Variants in MACF1 observed in about 807,000 individuals in gnomAD.
MACF1 encodes microtubule-actin cross-linking factor 1.
A neutral mutation model predicts 854.8 loss-of-function variants in MACF1; 193 were observed. The ratio of observed to expected loss-of-function variants is 0.23; its 90% confidence interval spans 0.20 to 0.25. The LOEUF (loss-of-function observed/expected upper bound fraction) is 0.25. Ranked by LOEUF, MACF1 falls within the 10% of genes least tolerant of loss-of-function variation. MACF1 has a pLI of 1.00. For missense variants in MACF1, 7,722 were observed against 8,929.1 expected (o/e 0.86, Z 5.45); for synonymous variants, 3,185 against 3,226.7 (o/e 0.99, Z 0.44).
At chr1:39,483,652 G>A (rs1192199088) in intron 99 of MACF1, among the ~76,000 whole-genome samples, 5 of 152,192 alleles carry the variant, frequency 3.3e-5, no homozygotes, top group African/African-American at 1.2e-4. Flanking sequence ...CAAAGACACA[G>A]GTGTTAATTT....
intron 15 of MACF1, 61 bp downstream of exon 15, chr1:39,287,623 C>T: frequency 1.3e-6 from 2 of 1,569,640 alleles, no homozygotes; most frequent in Non-Finnish European, 8.7e-7. Flanking sequence ...GGAAGCTTAT[C>T]TAAGAGGACC....
In MACF1 at chr1:39,206,977, G is replaced by A. The variant is rs78302548; in HGVS notation, c.109+1846G>A. The A allele has an allele frequency of 5.1e-4, 76 of 149,626 alleles. 1 individual carries two copies. The highest frequency in any genetic ancestry group is 1.8e-3 in the African/African-American group (72 of 40,486). The allele number at this position is 149,626 out of a possible 1,614,324, so 9.3% of individuals were successfully genotyped here. ...CACAAAGATCGCTTCTTCTGATGTAGTCTTTTTTTTTTTTTTAATTGGAGT... is the reference window on the plus strand; with the variant it reads ...CACAAAGATCGCTTCTTCTGATGTAATCTTTTTTTTTTTTTTAATTGGAGT... On this transcript the variant is annotated intron_variant, in intron 1 of 100. Coordinates refer to ENST00000564288, the MANE Select transcript of MACF1 (RefSeq NM_001394062.1).
intron 74 of MACF1, 83 bp from the exon 75 acceptor site, chr1:39,441,869 C>T: frequency 9.9e-7 from 1 of 1,008,030 alleles, no homozygotes. Flanking sequence ...TGATTTATGT[C>T]TTCTTATGTT....
At chr1:39,477,390 A>C (rs1644929709) in intron 97 of MACF1, among the ~76,000 whole-genome samples, 1 of 151,606 alleles carries the variant, frequency 6.6e-6, no homozygotes, top group Non-Finnish European at 1.5e-5. Flanking sequence ...ATGCCTAGCT[A>C]ATTTTTTAAT....
At chr1:39,163,166 C>A (rs995750481) in intron 2 of MACF1, among the ~76,000 whole-genome samples, 1 of 151,916 alleles carries the variant, frequency 6.6e-6, no homozygotes, top group African/African-American at 2.4e-5. Flanking sequence ...TCCTGGCCAA[C>A]ATGGTGAAAC....
chr1:39,398,863 A>G (rs1337549125), intron 58 of MACF1, among the ~76,000 whole-genome samples: 2 of 152,130 alleles, frequency 1.3e-5, no homozygotes, highest in Non-Finnish European at 2.9e-5. Context: ...TGCTTCCTGT[A>G]GGGTGTGTTA....
chr1:39,388,515 C>A lies in MACF1; in HGVS notation c.15673C>A (p.Leu5225Met). 1 of 1,614,168 alleles carries A rather than the reference C, an allele frequency of 6.2e-7. No individual in the cohort carries two copies. Among genetic ancestry groups the A allele is most frequent in the Non-Finnish European group, 8.5e-7 (1 of 1,180,040 alleles). The change falls in exon 58 of 101, where the codon CTG becomes ATG. Residue 5225 changes from leucine (L) to methionine (M), a missense_variant. Leu to Met is a conservative substitution (Grantham distance 15). Transcript: ENST00000564288. ...RGKARQEQLE[L>M]TLGRVEDFYR... is the part of the protein sequence containing the mutation. ...GAAAGCTCGTCAGGAACAGCTGGAA[C>A]TGACACTAGGCCGTGTAGAGGACTT...
chr1:39,394,791 A>G (rs1011238113), intron 58 of MACF1, among the ~76,000 whole-genome samples: 1 of 152,116 alleles, frequency 6.6e-6, no homozygotes, highest in Non-Finnish European at 1.5e-5. Flanking sequence ...AGAGCAAATG[A>G]GGTTAGCGTT....
In MACF1 at chr1:39,434,459, C is replaced by G; in HGVS notation, c.17611C>G (p.Leu5871Val). The part of the protein sequence containing the change: ...LIQQYEAISL[L>V]NSERYARLER... ...ACAGCAATATGAAGCCATTAGCCTA[C>G]TCAATTCAGAGCGTTATGCCCGCCT... Residue 5871 changes from leucine to valine, a missense_variant, in exon 69 of 101, where the codon CTC becomes GTC. By Grantham distance (32) the Leu-to-Val change is conservative. This residue lies in a region of MACF1 where 2,807 missense variants were observed against 3,235.8 expected (regional missense o/e 0.87). Transcript: ENST00000564288. 1 of 1,579,620 alleles carries G rather than the reference C, an allele frequency of 6.3e-7. No homozygotes were observed. Among genetic ancestry groups the G allele is most frequent in the Non-Finnish European group, 8.6e-7 (1 of 1,160,156 alleles).
intron 2 of MACF1, among the ~76,000 whole-genome samples, chr1:39,094,869 C>A (rs1641898866): frequency 6.6e-6 from 1 of 152,104 alleles, no homozygotes; most frequent in Non-Finnish European, 1.5e-5. Context: ...CTACCCTGGG[C>A]TACAGAGTGA....
chr1:39,125,384 G>A lies in MACF1; in HGVS notation c.220+40946G>A, dbSNP rs118035554. On this transcript the variant is annotated intron_variant, in intron 2 of 93. Coordinates refer to the MACF1 transcript ENST00000361689. The stretch of plus-strand genomic sequence containing the variant: ...CTAAACATTGATTTCCTCGTTAGTA[G>A]TGGGGAGAATAGTTCTTACCTTGCA... Among the ~76,000 whole-genome samples, 20 of 152,334 alleles carry A rather than the reference G, an allele frequency of 1.3e-4. No individual in the cohort carries two copies. The East Asian group carries it at 3.9e-3, about 29-fold the overall frequency.
At chr1:39,179,211 T>A (rs2148231370) in intron 2 of MACF1, among the ~76,000 whole-genome samples, 3 of 152,360 alleles carry the variant, frequency 2.0e-5, no homozygotes, top group Middle Eastern at 6.8e-3. Flanking sequence ...ATCTTTGTCT[T>A]TGCTCATATT....
At chr1:39,477,075 A>ATATACACTTAGT (rs1557675014) in intron 97 of MACF1, among the ~76,000 whole-genome samples, 1 of 51,308 alleles carries the variant, frequency 1.9e-5, no homozygotes, top group Non-Finnish European at 3.3e-5. Flanking sequence ...ATATATATAT[A>ATATACACTTAGT]TATATATATA....
At position 39,190,461 on chromosome 1, in the gene MACF1, G is replaced by A. The variant is rs1244852706; in HGVS notation, c.221-40721G>A. The stretch of plus-strand genomic sequence containing the variant: ...GTCACCCAGGTTGAAGTGTAGTGGC[G>A]TGAGTAGCTGGGACTACAGATGTGC... On this transcript the variant is annotated intron_variant, in intron 2 of 93. Coordinates refer to the MACF1 transcript ENST00000361689. Among the ~76,000 whole-genome samples, 30 of 141,322 alleles carry A rather than the reference G, an allele frequency of 2.1e-4. No homozygotes were observed. The Middle Eastern group carries it at 0.015, about 69-fold the overall frequency. The allele number at this position is 141,322 out of a possible 152,430, so 92.7% of individuals were successfully genotyped here.
chr1:39,386,094 T>C (rs1641763280), intron 57 of MACF1, among the ~76,000 whole-genome samples, 165 bp downstream of exon 57: 1 of 152,192 alleles, frequency 6.6e-6, no homozygotes, highest in Admixed American at 6.5e-5. Context: ...ACTGTTGTAG[T>C]TGTTACACAG....
chr1:39,086,358 G>A (rs1232940184), intron 2 of MACF1, among the ~76,000 whole-genome samples: 1 of 152,242 alleles, frequency 6.6e-6, no homozygotes, highest in Admixed American at 6.5e-5. Flanking sequence ...CTGGAAGGCA[G>A]GAGGGAGAGT....
chr1:39,269,705 A>G, intron 6 of MACF1: 1 of 1,289,638 alleles, frequency 7.8e-7, no homozygotes, highest in Non-Finnish European at 1.0e-6. Context: ...ACACCCCATC[A>G]TGGGGTCTGG....
chr1:39,135,316 C>T (rs995289265), intron 2 of MACF1, among the ~76,000 whole-genome samples: 2 of 151,952 alleles, frequency 1.3e-5, no homozygotes, highest in African/African-American at 4.8e-5. Context: ...GTGCGATTTC[C>T]GCTCACTGTA....
intron 36 of MACF1, among the ~76,000 whole-genome samples, chr1:39,329,918 G>T (rs1253254266): frequency 3.3e-5 from 5 of 152,030 alleles, no homozygotes; most frequent in Non-Finnish European, 5.9e-5. Context: ...CAGTTTTCTG[G>T]GTCTGACTCT....
Sources: allele counts gnomAD v4.1 joint callset (sites outside exome capture counted in the v4.1 genomes callset), GRCh38; gene constraint gnomAD v4.1.1; regional missense constraint gnomAD v4.1.1; transcripts MANE v1.5; gene names NCBI Gene and HGNC (gene_info 2026-07-23, HGNC 2026-07-21).